The following ADGRL2 variants were observed in gnomAD, a reference collection of about 807,000 sequenced individuals.
ADGRL2 encodes the protein adhesion G protein-coupled receptor L2, also known as calcium-independent alpha-latrotoxin receptor 2.
In ADGRL2, 44 loss-of-function variants were observed where a neutral mutation model predicts 157.4. That is an observed-to-expected ratio of 0.28 (90% CI 0.22 to 0.36). The LOEUF is 0.36. Among genes scored for constraint, ADGRL2 ranks in the 10% least tolerant of loss-of-function variants. The pLI, the probability that ADGRL2 is intolerant of heterozygous loss-of-function variation, is 1.00. For missense variants in ADGRL2, 1,510 were observed against 1,768.9 expected (o/e 0.85, Z 2.63); for synonymous variants, 585 against 624.7 (o/e 0.94, Z 0.95).
chr1:81,500,805 A>C (rs2078829604), intron 2 of ADGRL2, among the ~76,000 whole-genome samples: 1 of 152,204 alleles, frequency 6.6e-6, no homozygotes, highest in African/African-American at 2.4e-5. Context: ...CTGTGTACTT[A>C]AAAGTGCTTA....
intron 3 of ADGRL2, among the ~76,000 whole-genome samples, chr1:81,929,596 A>G (rs1046340486): frequency 1.4e-4 from 22 of 152,210 alleles, no homozygotes; most frequent in African/African-American, 4.8e-4. Context: ...TGAGCATAAG[A>G]TAATCAAAAG....
intron 2 of ADGRL2, chr1:81,501,707 T>G: frequency 5.0e-6 from 8 of 1,599,222 alleles, no homozygotes; most frequent in Non-Finnish European, 6.8e-6. Flanking sequence ...AGACCCAGTG[T>G]GCCTGGTGGG....
chr1:81,865,285 G>C (rs1257724871), intron 2 of ADGRL2, among the ~76,000 whole-genome samples: 1 of 152,146 alleles, frequency 6.6e-6, no homozygotes, highest in East Asian at 1.9e-4. Context: ...GAGAGTTGAT[G>C]AATGACAGCC....
At chr1:81,718,277 C>T (rs1266284674) in intron 1 of ADGRL2, among the ~76,000 whole-genome samples, 8 of 152,172 alleles carry the variant, frequency 5.3e-5, no homozygotes, top group Non-Finnish European at 1.0e-4. Flanking sequence ...CTCGGCCTCC[C>T]AAAGTACTGG....
chr1:81,859,762 C>CT (rs1381638175), intron 2 of ADGRL2, among the ~76,000 whole-genome samples: 1 of 151,988 alleles, frequency 6.6e-6, no homozygotes, highest in Non-Finnish European at 1.5e-5. Flanking sequence ...GTCATTTAGA[C>CT]TTTAATTTTT....
chr1:81,737,538 G>A (rs1045647953), intron 1 of ADGRL2, among the ~76,000 whole-genome samples: 1 of 152,192 alleles, frequency 6.6e-6, no homozygotes, highest in Non-Finnish European at 1.5e-5. Flanking sequence ...AGACTCGGGT[G>A]GGGACAGAGA....
chr1:81,764,252 C>G (rs2086028147), intron 2 of ADGRL2, among the ~76,000 whole-genome samples: 1 of 149,396 alleles, frequency 6.7e-6, no homozygotes, highest in Non-Finnish European at 1.5e-5. Flanking sequence ...CAAAAAATTG[C>G]TTTTAACCTA....
intron 2 of ADGRL2, chr1:81,557,548 A>G (rs1210003470): frequency 6.6e-6 from 1 of 151,098 alleles, no homozygotes; most frequent in Non-Finnish European, 1.5e-5. Context: ...GAAAGCAAGA[A>G]AAAGAAAGAA....
intron 3 of ADGRL2, among the ~76,000 whole-genome samples, chr1:81,616,673 TC>T (rs1306516368): frequency 1.6e-4 from 19 of 117,286 alleles, no homozygotes; most frequent in African/African-American, 4.5e-4. Flanking sequence ...TCTTTTCTTT[TC>T]TTTTCTTTTT....
intron 2 of ADGRL2, among the ~76,000 whole-genome samples, chr1:81,548,052 G>T (rs533710313): frequency 1.3e-5 from 2 of 152,140 alleles, no homozygotes; most frequent in African/African-American, 4.8e-5. Flanking sequence ...AGCTGGGAAG[G>T]AGTTCTTTCT....
intron 2 of ADGRL2, among the ~76,000 whole-genome samples, chr1:81,871,042 C>T (rs1303225083): frequency 6.7e-6 from 1 of 150,236 alleles, no homozygotes; most frequent in African/African-American, 2.5e-5. Context: ...CCCATTACCT[C>T]GTCATTTACA....
At chr1:81,524,480 T>C (rs781505297) in intron 2 of ADGRL2, among the ~76,000 whole-genome samples, 1 of 152,196 alleles carries the variant, frequency 6.6e-6, no homozygotes, top group Non-Finnish European at 1.5e-5. Context: ...TGTGAAAAAC[T>C]ACATATATAT....
chr1:81,359,273 T>C (rs2075932298), intron 1 of ADGRL2, among the ~76,000 whole-genome samples: 1 of 152,082 alleles, frequency 6.6e-6, no homozygotes, highest in African/African-American at 2.4e-5. Flanking sequence ...ATACGTTTAT[T>C]GAACATCTGC....
intron 2 of ADGRL2, among the ~76,000 whole-genome samples, chr1:81,526,845 C>T (rs998037801): frequency 6.6e-6 from 1 of 152,136 alleles, no homozygotes; most frequent in Non-Finnish European, 1.5e-5. Context: ...TATTACAATT[C>T]TAGGGTAAGT....
chr1:81,447,013 A>G (rs2077609406), intron 2 of ADGRL2, among the ~76,000 whole-genome samples: 1 of 152,148 alleles, frequency 6.6e-6, no homozygotes, highest in Admixed American at 6.6e-5. Context: ...TAGGACCTAA[A>G]CAGAAGTTTG....
chr1:81,519,715 A>G (rs1287695848), intron 2 of ADGRL2, among the ~76,000 whole-genome samples: 2 of 152,176 alleles, frequency 1.3e-5, no homozygotes, highest in African/African-American at 2.4e-5. Context: ...TCACCCCATT[A>G]CACAGATAAT....
intron 3 of ADGRL2, among the ~76,000 whole-genome samples, chr1:81,669,070 TCTC>T (rs908451122): frequency 6.6e-6 from 1 of 152,092 alleles, no homozygotes; most frequent in Non-Finnish European, 1.5e-5. Context: ...TCTACCTTAT[TCTC>T]CTCCCTGCCT....
chr1:81,851,996 G>A (rs1459387148), intron 2 of ADGRL2, among the ~76,000 whole-genome samples: 1 of 151,850 alleles, frequency 6.6e-6, no homozygotes, highest in African/African-American at 2.4e-5. Flanking sequence ...ATTATATTCT[G>A]TACAATGATG....
intron 3 of ADGRL2, among the ~76,000 whole-genome samples, chr1:81,581,543 G>T (rs1383730509): frequency 6.6e-6 from 1 of 152,124 alleles, no homozygotes; most frequent in Non-Finnish European, 1.5e-5. Context: ...TGTTAGATTT[G>T]ATTTGATTCC....
Sources: allele counts gnomAD v4.1 joint callset (sites outside exome capture counted in the v4.1 genomes callset), GRCh38; gene constraint gnomAD v4.1.1; transcripts MANE v1.5; gene names NCBI Gene and HGNC (gene_info 2026-07-23, HGNC 2026-07-21).